Variants in WDFY3 observed in about 807,000 individuals in gnomAD.
The protein encoded by WDFY3 is WD repeat and FYVE domain containing 3.
WDFY3 carries 66 observed loss-of-function variants against 409.6 expected under a neutral mutation model. The ratio of observed to expected loss-of-function variants is 0.16; its 90% CI spans 0.13 to 0.20. The LOEUF (loss-of-function observed/expected upper bound fraction) is 0.20. Ranked by LOEUF, WDFY3 falls within the 10% of genes least tolerant of loss-of-function variation. The pLI, the probability that WDFY3 is intolerant of heterozygous loss-of-function variation, is 1.00. For synonymous variants in WDFY3, 1,521 were observed against 1,537.1 expected, an observed-to-expected ratio of 0.99 and a Z score of 0.25; for missense variants, 3,031 against 4,298.1, an observed-to-expected ratio of 0.71 and a Z score of 8.24.
chr4:84,692,947 G>T lies in WDFY3; in HGVS notation c.8987C>A (p.Thr2996Lys). ...ATGATGAAAAAAGATCTTGTCACTT[G>T]TAGATCCTGGTAGGACAGAGATTCC... The part of the protein sequence containing the change: ...NAGISVLPGS[T>K]SDKIFFHHLD... Residue 2996 changes from threonine to lysine, a missense_variant, in exon 59 of 68, where the codon ACA becomes AAA. Physicochemically the swap from Thr to Lys is moderately conservative, Grantham distance 78 (BLOSUM62 -1). This residue lies in a region of WDFY3 where 152 missense variants were observed against 193.5 expected (regional missense o/e 0.79). Transcript: ENST00000295888. 1 of 1,613,714 alleles carries T rather than the reference G, an allele frequency of 6.2e-7. No individual in the cohort carries two copies. Among genetic ancestry groups the T allele is most frequent in the Non-Finnish European group, 8.5e-7 (1 of 1,179,910 alleles).
Position 84,669,958 on chromosome 4 carries a change from T to G in WDFY3, c.*2910A>C, listed in dbSNP as rs1725219893. The G allele has an allele frequency of 6.6e-6, 1 of 152,618 alleles. No individual in the cohort carries two copies. Among genetic ancestry groups the G allele is most frequent in the Non-Finnish European group, 1.5e-5 (1 of 68,036 alleles). 9.5% of individuals were successfully genotyped at this position (152,618 alleles called of 1,614,324 possible). A position where few individuals can be genotyped will look rare whatever the true frequency, so the allele number is the denominator to read the frequency against. On this transcript the variant is annotated 3_prime_UTR_variant, in exon 68 of 68. Transcript: ENST00000295888. ...CCAAACTTGCTGAAATTAAAAATAC[T>G]TTCTAAAAACAGTTTTAACGGCATA...
intron 26 of WDFY3, 104 bp downstream of exon 26, chr4:84,780,004 G>T: frequency 2.4e-6 from 3 of 1,252,220 alleles, no homozygotes; most frequent in Non-Finnish European, 2.1e-6. Flanking sequence ...AGTTTCCTTG[G>T]ACAATATAAT....
intron 47 of WDFY3, among the ~76,000 whole-genome samples, chr4:84,720,716 C>T (rs1347391612): frequency 6.6e-6 from 1 of 152,190 alleles, no homozygotes; most frequent in Non-Finnish European, 1.5e-5. Flanking sequence ...GCTTGTACAG[C>T]TTGTAGAAGC....
intron 1 of WDFY3, among the ~76,000 whole-genome samples, chr4:84,956,749 G>A (rs1482593903): frequency 1.3e-5 from 2 of 151,810 alleles, no homozygotes; most frequent in African/African-American, 4.8e-5. Context: ...TACTAAGTAG[G>A]GCTTCAGTTT....
At position 84,706,047 on chromosome 4, in the gene WDFY3, T is replaced by C. The variant is rs1731886209; in HGVS notation, c.8218-536A>G. On this transcript the variant is annotated intron_variant, in intron 53 of 67. Coordinates refer to ENST00000295888, the MANE Select transcript of WDFY3 (RefSeq NM_014991.6). ...ATTCTTTCACCTCTAAAAGATAACATCACACCAGATCAAGTAACTTCCCAA... is the reference window on the plus strand; with the variant it reads ...ATTCTTTCACCTCTAAAAGATAACACCACACCAGATCAAGTAACTTCCCAA... Among the ~76,000 whole-genome samples the C allele has an allele frequency of 2.0e-5, 3 of 150,718 alleles. No homozygotes were observed. The South Asian group carries it at 6.3e-4, about 32-fold the overall frequency.
chr4:84,784,404 T>C (rs1397108003), intron 24 of WDFY3, among the ~76,000 whole-genome samples: 4 of 152,140 alleles, frequency 2.6e-5, no homozygotes, highest in Non-Finnish European at 4.4e-5. Flanking sequence ...CCAACTCTAC[T>C]CTTTTTGTAG....
chr4:84,786,155 A>C lies in WDFY3; in HGVS notation c.3902-16T>G. 1 of 1,578,874 alleles carries C rather than the reference A, an allele frequency of 6.3e-7. No individual in the cohort carries two copies. Among genetic ancestry groups the C allele is most frequent in the Non-Finnish European group, 8.6e-7 (1 of 1,165,600 alleles). On this transcript the variant is annotated splice_polypyrimidine_tract_variant and intron_variant, in intron 23 of 67. Transcript: ENST00000295888. ...GCATCTTTACCTTCAAAAGAAGAAT[A>C]ATTCTTTTCAAAATCATCAGTAGTT...
chr4:84,805,390 G>A (rs1206844987), intron 15 of WDFY3, among the ~76,000 whole-genome samples: 1 of 151,976 alleles, frequency 6.6e-6, no homozygotes, highest in African/African-American at 2.4e-5. Flanking sequence ...TTTCAAACCA[G>A]AAAAATATTG....
chr4:84,692,826 TG>T (rs1729480153), intron 59 of WDFY3, 58 bp downstream of exon 59: 2 of 1,502,792 alleles, frequency 1.3e-6, no homozygotes, highest in Non-Finnish European at 1.8e-6. Flanking sequence ...ATTGTTAAAC[TG>T]GGATTATTAA....
chr4:84,890,882 A>G (rs1764857983), intron 3 of WDFY3, among the ~76,000 whole-genome samples: 1 of 152,092 alleles, frequency 6.6e-6, no homozygotes, highest in East Asian at 1.9e-4. Context: ...CCTGGCCTAA[A>G]GCAATCCTCC....
At chr4:84,879,906 T>C (rs1763263252) in intron 3 of WDFY3, among the ~76,000 whole-genome samples, 1 of 152,104 alleles carries the variant, frequency 6.6e-6, no homozygotes, top group Non-Finnish European at 1.5e-5. Context: ...ATAAATGAAA[T>C]GCAAATTAAC....
At chr4:84,803,832 G>C (rs967114688) in intron 15 of WDFY3, 16 of 162,796 alleles carry the variant, frequency 9.8e-5, no homozygotes, top group African/African-American at 2.2e-4. Flanking sequence ...TACGTGATGA[G>C]AGATCAAATT....
chr4:84,703,162 A>G (rs1731351015), intron 55 of WDFY3, among the ~76,000 whole-genome samples: 1 of 152,168 alleles, frequency 6.6e-6, no homozygotes, highest in Admixed American at 6.5e-5. Flanking sequence ...CCATCACAAG[A>G]AAAGATTCTA....
intron 10 of WDFY3, among the ~76,000 whole-genome samples, chr4:84,822,422 G>T (rs1441316164): frequency 6.6e-6 from 1 of 152,142 alleles, no homozygotes; most frequent in Non-Finnish European, 1.5e-5. Context: ...AACACTCAGG[G>T]CTGGGGGCAG....
intron 54 of WDFY3, 125 bp from the exon 55 acceptor site, chr4:84,704,569 T>C: frequency 1.5e-6 from 1 of 649,618 alleles, no homozygotes; most frequent in South Asian, 2.3e-5. Flanking sequence ...CAATTAGTAC[T>C]GGCATTTGCA....
intron 5 of WDFY3, chr4:84,849,557 A>G (rs1373517815): frequency 6.8e-6 from 1 of 146,070 alleles, no homozygotes; most frequent in Non-Finnish European, 1.3e-5. Flanking sequence ...CAAGCAATAG[A>G]GCAGGGTATG....
At chr4:84,959,376 G>T (rs913610760) in intron 1 of WDFY3, among the ~76,000 whole-genome samples, 7 of 152,180 alleles carry the variant, frequency 4.6e-5, no homozygotes, top group African/African-American at 1.7e-4. Context: ...ATTTTGGAAA[G>T]AGTGTGAGGG....
rs558946408 is a variant in WDFY3, at chr4:84,679,068, C to T, written c.9998G>A (p.Arg3333His). 145 of 1,614,204 alleles carry T rather than the reference C, an allele frequency of 9.0e-5. 1 individual carries two copies. In the South Asian group the frequency reaches 1.4e-3, roughly 16 times the overall value. The part of the protein sequence containing the change: ...CTDSGSDDSR[R>H]WSDQLSLDEK... Reference sequence around the variant, plus strand: ...ATCTAGACTGAGCTGGTCGGACCAGCGTCTGGAGTCGTCAGAGCCACTGTC... The same window carrying T: ...ATCTAGACTGAGCTGGTCGGACCAGTGTCTGGAGTCGTCAGAGCCACTGTC... Residue 3333 changes from arginine to histidine, a missense_variant, in exon 65 of 68, where the codon CGC becomes CAC. Coordinates refer to ENST00000295888, the MANE Select transcript of WDFY3 (RefSeq NM_014991.6).
At chr4:84,950,563 G>A (rs1418530346) in intron 1 of WDFY3, among the ~76,000 whole-genome samples, 5 of 152,118 alleles carry the variant, frequency 3.3e-5, no homozygotes, top group East Asian at 3.9e-4. Flanking sequence ...AGGCCAAGGC[G>A]GGTGGATCAT....
Sources: allele counts gnomAD v4.1 joint callset (sites outside exome capture counted in the v4.1 genomes callset), GRCh38; gene constraint gnomAD v4.1.1; regional missense constraint gnomAD v4.1.1; transcripts MANE v1.5; gene names NCBI Gene and HGNC (gene_info 2026-07-23, HGNC 2026-07-21).